Variants in TSGA10 observed in about 807,000 individuals in gnomAD.
TSGA10 encodes testis-specific gene 10 protein.
A neutral mutation model predicts 96.6 loss-of-function variants in TSGA10; 43 were observed. The observed-to-expected ratio is 0.44, with a 90% CI of 0.35 to 0.57. The LOEUF is 0.57. Among genes scored for constraint, TSGA10 ranks in the 20% least tolerant of loss-of-function variants. TSGA10 has a pLI of 0.01. For missense variants in TSGA10, 703 were observed against 834.4 expected (o/e 0.84, Z 1.94); for synonymous variants, 229 against 269.9 (o/e 0.85, Z 1.48).
intron 4 of TSGA10, 53 bp from the exon 5 acceptor site, chr2:99,110,968 T>G: frequency 8.4e-6 from 4 of 476,870 alleles, no homozygotes; most frequent in Non-Finnish European, 1.1e-5. Flanking sequence ...ATGTTTAAAC[T>G]AATTGGAAAA....
rs138647126 is a variant in TSGA10, at chr2:99,051,304, C to G, written c.1404+13635G>C. On this transcript the variant is annotated intron_variant, in intron 16 of 20. Coordinates refer to ENST00000393483, the MANE Select transcript of TSGA10 (RefSeq NM_025244.4). Reference sequence around the variant, plus strand: ...GAAACTAAAAAGATAAAAAATATATCATGCAAAGAGCAACATAAGAAAGCT... The same window carrying G: ...GAAACTAAAAAGATAAAAAATATATGATGCAAAGAGCAACATAAGAAAGCT... Among the ~76,000 whole-genome samples, 392 of 152,162 alleles carry G rather than the reference C, an allele frequency of 2.6e-3. 2 individuals are homozygous for G. Among genetic ancestry groups the G allele is most frequent in the African/African-American group, 8.8e-3 (367 of 41,544 alleles).
rs775692248 is a variant in TSGA10 at position 99,081,317 on chromosome 2, G to A, written c.692C>T (p.Thr231Ile). 1 of 1,591,420 alleles carries A rather than the reference G, an allele frequency of 6.3e-7. No homozygotes were observed. Among genetic ancestry groups the A allele is most frequent in the Admixed American group, 1.8e-5 (1 of 57,002 alleles). The change falls in exon 11 of 21, where the codon ACT becomes ATT. Residue 231 changes from threonine to isoleucine, a missense_variant. Thr to Ile is a moderately conservative substitution (Grantham distance 89, BLOSUM62 -1). Around this residue, in one of 3 missense-constraint regions of TSGA10, gnomAD observed 585 missense variants for 656.8 expected, o/e 0.89. Transcript: ENST00000393483. ...LAKKKYELQL[T>I]QEKIMCLDEK... ...ATCCAAGCACATAATTTTCTCCTGAGTAAGCTGTAGCTCATATTTTTTCTT... is the reference window on the plus strand; with the variant it reads ...ATCCAAGCACATAATTTTCTCCTGAATAAGCTGTAGCTCATATTTTTTCTT...
intron 20 of TSGA10, among the ~76,000 whole-genome samples, chr2:99,000,845 C>T (rs2077829753): frequency 6.6e-6 from 1 of 152,132 alleles, no homozygotes; most frequent in African/African-American, 2.4e-5. Context: ...CTCGGTGGGT[C>T]CCACACCCAT....
chr2:99,121,599 G>A (rs2092576022), intron 2 of TSGA10, among the ~76,000 whole-genome samples: 1 of 146,916 alleles, frequency 6.8e-6, no homozygotes, highest in Middle Eastern at 3.5e-3. Context: ...AGCCTCTCAA[G>A]TAGCTGGGAC....
At chr2:99,119,977 C>T (rs2092485302) in intron 2 of TSGA10, among the ~76,000 whole-genome samples, 1 of 152,146 alleles carries the variant, frequency 6.6e-6, no homozygotes, top group South Asian at 2.1e-4. Flanking sequence ...CTGTTAACTT[C>T]CCACTGCACC....
At chr2:99,049,348 A>G (rs1007681678) in intron 16 of TSGA10, among the ~76,000 whole-genome samples, 2 of 152,252 alleles carry the variant, frequency 1.3e-5, no homozygotes, top group Non-Finnish European at 2.9e-5. Context: ...CATCAATGAC[A>G]GACCGGATAA....
At chr2:99,118,272 G>A (rs1215559757) in intron 3 of TSGA10, among the ~76,000 whole-genome samples, 1 of 151,580 alleles carries the variant, frequency 6.6e-6, no homozygotes, top group Non-Finnish European at 1.5e-5. Context: ...CCAACATGGT[G>A]AAACCCCATC....
At chr2:99,105,886 T>C (rs1211503905) in intron 7 of TSGA10, among the ~76,000 whole-genome samples, 189 bp from the exon 8 acceptor site, 3 of 152,236 alleles carry the variant, frequency 2.0e-5, no homozygotes, top group African/African-American at 7.2e-5. Flanking sequence ...TAGAAGTTCA[T>C]GTTACAACAT....
At chr2:99,148,776 G>C (rs1266018050) in intron 1 of TSGA10, among the ~76,000 whole-genome samples, 3 of 152,082 alleles carry the variant, frequency 2.0e-5, no homozygotes, top group Admixed American at 6.5e-5. Flanking sequence ...TTCAAGACCA[G>C]CCTGGTCAAC....
Position 99,035,441 on chromosome 2 carries a change from T to C in TSGA10, c.1405-2A>G. ...GTAAGACCTTTCTGCATTTAAGTGC[T>C]GTAAGAATAAAATTATATATATGTA... On this transcript the variant is annotated splice_acceptor_variant, in intron 16 of 20. Coordinates refer to ENST00000393483, the MANE Select transcript of TSGA10 (RefSeq NM_025244.4). LOFTEE classifies it high-confidence loss of function. The C allele has an allele frequency of 6.3e-7, 1 of 1,596,734 alleles. No individual in the cohort carries two copies. The highest frequency in any genetic ancestry group is 8.6e-7 in the Non-Finnish European group (1 of 1,168,310).
chr2:99,100,749 G>A (rs2090604063), intron 10 of TSGA10, among the ~76,000 whole-genome samples: 1 of 150,150 alleles, frequency 6.7e-6, no homozygotes, highest in African/African-American at 2.5e-5. Context: ...GAACCCCGGA[G>A]GCAGAGCTTG....
intron 1 of TSGA10, chr2:99,140,926 C>T (rs2105101298): frequency 2.7e-6 from 1 of 371,246 alleles, no homozygotes; most frequent in Non-Finnish European, 4.5e-6. Flanking sequence ...CAGCTGTGCC[C>T]GCCGCTGCCC....
chr2:99,141,144 G>C lies in TSGA10; in HGVS notation c.-621+13549C>G, dbSNP rs563229004. On this transcript the variant is annotated intron_variant, in intron 1 of 20. Coordinates refer to ENST00000393483, the MANE Select transcript of TSGA10 (RefSeq NM_025244.4). ...GCCGTCCTGCCCAGAGCTCATCCCC[G>C]CGACTGTCAGCTCTCGGCCTCAGCG... is the stretch of plus-strand genomic sequence containing the variant. The C allele has an allele frequency of 2.4e-4, 308 of 1,270,832 alleles. 3 individuals carry two copies. In the South Asian group the frequency reaches 3.7e-3, roughly 15 times the overall value. 78.7% of individuals were successfully genotyped at this position (1,270,832 alleles called of 1,614,324 possible). A position where few individuals can be genotyped will look rare whatever the true frequency, so the allele number is the denominator to read the frequency against.
rs1451708928 is a variant in TSGA10, at chr2:99,035,227, T to C, written c.1614+3A>G. 3 of 1,599,834 alleles carry C rather than the reference T, an allele frequency of 1.9e-6. No homozygotes were observed. The highest frequency in any genetic ancestry group is 2.6e-6 in the Non-Finnish European group (3 of 1,171,606). On this transcript the variant is annotated splice_donor_region_variant and intron_variant, in intron 17 of 20. Coordinates refer to ENST00000393483, the MANE Select transcript of TSGA10 (RefSeq NM_025244.4). Reference sequence around the variant, plus strand: ...TTAAAGATTTTTAAAATATATTACATACCATTTCTATTTCTTGATCTTTAG... The same window carrying C: ...TTAAAGATTTTTAAAATATATTACACACCATTTCTATTTCTTGATCTTTAG...
chr2:99,064,671 T>C (rs576164172), intron 16 of TSGA10, among the ~76,000 whole-genome samples: 1 of 152,296 alleles, frequency 6.6e-6, no homozygotes, highest in East Asian at 1.9e-4. Flanking sequence ...GAGCTGGGGA[T>C]ATGTTTATCT....
intron 12 of TSGA10, among the ~76,000 whole-genome samples, chr2:99,074,362 G>GTGTGTGTA (rs1431579319): frequency 4.6e-5 from 7 of 151,814 alleles, no homozygotes; most frequent in African/African-American, 1.7e-4. Flanking sequence ...GTGTGTGTGT[G>GTGTGTGTA]TGTGTGTGTG....
chr2:99,098,166 G>A (rs1031231990), intron 10 of TSGA10, among the ~76,000 whole-genome samples: 4 of 151,918 alleles, frequency 2.6e-5, no homozygotes, highest in African/African-American at 4.8e-5. Context: ...AGCCGGGCAC[G>A]GTGGCTCACA....
At chr2:99,049,882 CA>C (rs2083208129) in intron 16 of TSGA10, among the ~76,000 whole-genome samples, 1 of 151,934 alleles carries the variant, frequency 6.6e-6, no homozygotes, top group Non-Finnish European at 1.5e-5. Flanking sequence ...AAACCACACA[CA>C]AAAAGCAAAG....
At chr2:99,090,055 G>C (rs1416347806) in intron 10 of TSGA10, among the ~76,000 whole-genome samples, 2 of 152,150 alleles carry the variant, frequency 1.3e-5, no homozygotes, top group Non-Finnish European at 2.9e-5. Context: ...GCTATCTATG[G>C]CTGAGAGACC....
Sources: gnomAD v4.1 joint callset for allele counts (sites outside exome capture counted in the v4.1 genomes callset) on GRCh38, gnomAD v4.1.1 for gene constraint, gnomAD v4.1.1 regional missense constraint, MANE v1.5 for transcripts, NCBI Gene and HGNC (gene_info 2026-07-23, HGNC 2026-07-21) for gene names.